SLC39A11: variants seen among roughly 807,000 people sequenced by gnomAD.
SLC39A11 encodes zinc transporter ZIP11.
In SLC39A11, 33 loss-of-function variants were observed where a neutral mutation model predicts 36.1. The observed-to-expected ratio is 0.91, with a 90% CI of 0.69 to 1.22. The LOEUF (loss-of-function observed/expected upper bound fraction) is 1.22. SLC39A11 is among the 50% of genes most tolerant of loss of function. SLC39A11 has a pLI of 0.00. For missense variants in SLC39A11, 432 were observed against 430.3 expected (o/e 1.00, Z -0.03); for synonymous variants, 166 against 170.3 (o/e 0.97, Z 0.20).
intron 5 of SLC39A11, among the ~76,000 whole-genome samples, chr17:72,888,972 G>A (rs1455797363): frequency 1.3e-5 from 2 of 152,052 alleles, no homozygotes; most frequent in East Asian, 3.9e-4. Context: ...GCAGAGACAT[G>A]GTGTGCAGAG....
chr17:73,091,913 G>T (rs1274818020), intron 1 of SLC39A11: 2 of 152,102 alleles, frequency 1.3e-5, no homozygotes, highest in Non-Finnish European at 2.9e-5. Flanking sequence ...CTGTTGTTCC[G>T]CTTCCAAGAG....
intron 5 of SLC39A11, among the ~76,000 whole-genome samples, chr17:72,932,464 C>G (rs1194244570): frequency 6.7e-6 from 1 of 149,554 alleles, no homozygotes; most frequent in East Asian, 2.0e-4. Context: ...CCCACAGGCC[C>G]CGGTGTGTGA....
At chr17:72,650,446 T>C (rs890641072) in intron 7 of SLC39A11, among the ~76,000 whole-genome samples, 1 of 152,106 alleles carries the variant, frequency 6.6e-6, no homozygotes, top group Non-Finnish European at 1.5e-5. Context: ...TGCTGCAAAC[T>C]ACAGCAAATC....
At chr17:72,834,356 T>C (rs1185545849) in intron 6 of SLC39A11, among the ~76,000 whole-genome samples, 1 of 152,194 alleles carries the variant, frequency 6.6e-6, no homozygotes, top group Admixed American at 6.5e-5. Flanking sequence ...GCACGGTGGC[T>C]CACGCCTATA....
chr17:73,047,797 G>A (rs899757080), intron 3 of SLC39A11, among the ~76,000 whole-genome samples: 8 of 150,776 alleles, frequency 5.3e-5, no homozygotes, highest in East Asian at 2.0e-4. Context: ...GTGAAACCCC[G>A]TCTCTACTAA....
chr17:73,026,534 A>G (rs552610011), intron 4 of SLC39A11, among the ~76,000 whole-genome samples: 10 of 148,304 alleles, frequency 6.7e-5, no homozygotes, highest in East Asian at 2.0e-4. Context: ...AAAAAAAAAA[A>G]GAAAGAAAGA....
Position 72,798,842 on chromosome 17 carries a change from G to C in SLC39A11, c.601+50792C>G, listed in dbSNP as rs941843909. Among the ~76,000 whole-genome samples, 10 of 152,096 alleles carry C rather than the reference G, an allele frequency of 6.6e-5. 2 individuals carry two copies. Among genetic ancestry groups the C allele is most frequent in the Admixed American group, 6.5e-4 (10 of 15,276 alleles). On this transcript the variant is annotated intron_variant, in intron 6 of 9. Transcript: ENST00000255559. The stretch of plus-strand genomic sequence containing the variant: ...AATGGGTGAGGGACACAAGCATTCA[G>C]TCCAGAGCAAACTGTCAGCATCTAG...
rs1168457209 is a variant in SLC39A11 at position 72,914,330 on chromosome 17, AG to A, written c.430+33421del. ...GACTCCATCTCGGGGGAAAAAAAAA[AG>A]AAAAAAGAATACAAAATAACAATAC... On this transcript the variant is annotated intron_variant, in intron 5 of 9. Coordinates refer to ENST00000255559, the MANE Select transcript of SLC39A11 (RefSeq NM_139177.4). Among the ~76,000 whole-genome samples the A allele has an allele frequency of 1.3e-3, 204 of 151,542 alleles. 1 individual carries two copies. The Middle Eastern group carries it at 0.017, about 13-fold the overall frequency.
At chr17:72,899,699 T>G (rs540795683) in intron 5 of SLC39A11, among the ~76,000 whole-genome samples, 3 of 152,304 alleles carry the variant, frequency 2.0e-5, no homozygotes, top group African/African-American at 7.2e-5. Context: ...CGGTGGCTCA[T>G]GCCTGTAATC....
intron 1 of SLC39A11, chr17:73,091,734 C>T (rs550986720): frequency 6.6e-6 from 1 of 152,348 alleles, no homozygotes; most frequent in East Asian, 1.9e-4. Context: ...GATATTAATT[C>T]CATCAACCCT....
chr17:72,793,090 A>G (rs935831236), intron 6 of SLC39A11, among the ~76,000 whole-genome samples: 3 of 152,224 alleles, frequency 2.0e-5, no homozygotes, highest in Non-Finnish European at 4.4e-5. Flanking sequence ...GGCTCTGGTC[A>G]GTCAACAGAG....
intron 7 of SLC39A11, among the ~76,000 whole-genome samples, chr17:72,690,004 G>A (rs1318636540): frequency 6.6e-6 from 1 of 152,216 alleles, no homozygotes; most frequent in African/African-American, 2.4e-5. Flanking sequence ...GCTGTGTGAG[G>A]GGATCATACA....
intron 4 of SLC39A11, among the ~76,000 whole-genome samples, chr17:72,981,310 C>T (rs1180119145): frequency 1.3e-5 from 2 of 152,152 alleles, no homozygotes; most frequent in African/African-American, 2.4e-5. Flanking sequence ...TCAATACACA[C>T]ATATGGCTGG....
At chr17:72,818,440 T>C (rs1175865056) in intron 6 of SLC39A11, among the ~76,000 whole-genome samples, 1 of 152,190 alleles carries the variant, frequency 6.6e-6, no homozygotes, top group Non-Finnish European at 1.5e-5. Context: ...GAGGAATGAC[T>C]TCACAAGGAT....
rs538656158 is a variant in SLC39A11 at position 72,910,013 on chromosome 17, A to G, written c.430+37739T>C. 3.3e-5 allele frequency among the ~76,000 whole-genome samples: 5 copies of G among 151,942 alleles called. No individual in the cohort carries two copies. In the East Asian group the frequency reaches 7.8e-4, roughly 24 times the overall value. On this transcript the variant is annotated intron_variant, in intron 5 of 9. Transcript: ENST00000255559. ...ATGATCCACCCACCTCGGCCTCCCA[A>G]AGTGTTGGGATTACAGGTGTGAGCC...
intron 3 of SLC39A11, among the ~76,000 whole-genome samples, chr17:73,039,010 T>C (rs78510585): frequency 0.042 from 6,353 of 152,206 alleles, 144 homozygotes; most frequent in Middle Eastern, 0.078. Context: ...CCATATTTAT[T>C]ATGGGAAAAT....
intron 3 of SLC39A11, among the ~76,000 whole-genome samples, chr17:73,083,306 A>G (rs1345827344): frequency 6.6e-6 from 1 of 151,690 alleles, no homozygotes; most frequent in African/African-American, 2.4e-5. Context: ...TTTTCTCAAC[A>G]CTCTCTGTGC....
chr17:73,035,720 C>T (rs957839121), intron 3 of SLC39A11, among the ~76,000 whole-genome samples: 18 of 151,598 alleles, frequency 1.2e-4, no homozygotes, highest in Admixed American at 2.6e-4. Context: ...AAAAATTAGC[C>T]GGGCATCGTG....
intron 5 of SLC39A11, among the ~76,000 whole-genome samples, chr17:72,909,578 G>A (rs1157379899): frequency 1.3e-5 from 2 of 152,170 alleles, no homozygotes; most frequent in African/African-American, 4.8e-5. Context: ...CTGTCTATTT[G>A]TGTCTTTTTG....
Sources: gnomAD v4.1 joint callset for allele counts (sites outside exome capture counted in the v4.1 genomes callset) on GRCh38, gnomAD v4.1.1 for gene constraint, MANE v1.5 for transcripts, NCBI Gene and HGNC (gene_info 2026-07-23, HGNC 2026-07-21) for gene names.